The following RPS2 variants were observed in gnomAD, a reference collection of about 807,000 sequenced individuals.
The protein encoded by RPS2 is small ribosomal subunit protein uS5.
Under a neutral mutation model 25.3 loss-of-function variants are expected in RPS2, and 8 were observed. The observed-to-expected ratio is 0.32, with a 90% CI of 0.19 to 0.57. The LOEUF (loss-of-function observed/expected upper bound fraction) is 0.57, where lower values mean the gene tolerates loss of function less well. Among genes scored for constraint, RPS2 ranks in the 20% least tolerant of loss-of-function variants. The pLI is 0.90. For missense variants in RPS2, 229 were observed against 408.1 expected (o/e 0.56, Z 3.78); for synonymous variants, 181 against 161.3 (o/e 1.12, Z -0.92).
In RPS2 at chr16:1,964,381, G is replaced by C; in HGVS notation, c.178-16C>G. On this transcript the variant is annotated splice_polypyrimidine_tract_variant and intron_variant, in intron 2 of 6. Transcript: ENST00000343262. ...CGGGCATCCACTAAAGGGAGAAAAG[G>C]CGCCAGTGACCAGGACCGCTCTCCG... 6.2e-7 allele frequency: 1 copy of C among 1,613,378 alleles called. No homozygotes were observed. The highest frequency in any genetic ancestry group is 2.2e-5 in the East Asian group (1 of 44,874).
chr16:1,964,777 A>G (rs17135716), intron 1 of RPS2, 30 bp downstream of exon 1: 67,314 of 553,796 alleles, frequency 0.12, 5,159 homozygotes, highest in South Asian at 0.25. Flanking sequence ...GCCCACGCAG[A>G]GGCCCGCTGC....
chr16:1,964,336 C>T lies in RPS2; in HGVS notation c.207G>A (p.Leu69=), dbSNP rs1195590985. The T allele has an allele frequency of 2.5e-6, 4 of 1,613,360 alleles. No individual in the cohort carries two copies. Among genetic ancestry groups the T allele is most frequent in the African/African-American group, 1.3e-5 (1 of 74,944 alleles). The change falls in exon 3 of 7, where the codon TTG becomes TTA. Residue 69 remains leucine (L), a synonymous_variant. Coordinates refer to ENST00000343262, the MANE Select transcript of RPS2 (RefSeq NM_002952.4). ...GGGACTTGATCTTCATGTCCTTGACCAAGCGGCCCAACTTGGTGACGGGCA... is the reference window on the plus strand; with the variant it reads ...GGGACTTGATCTTCATGTCCTTGACTAAGCGGCCCAACTTGGTGACGGGCA... ...EWMPVTKLGR[L]VKDMKIKSLE...
In RPS2 at chr16:1,964,288, G is replaced by A. The variant is rs61741761; in HGVS notation, c.255C>T (p.Ser85=). ...IKSLEEIYLF[S]LPIKESEIID... ...GACCGACGCGTACCTTAATAGGCAG[G>A]GAGAAGAGATAGATCTCCTCCAGGG... is the stretch of plus-strand genomic sequence containing the variant. The change falls in exon 3 of 7, where the codon TCC becomes TCT. Residue 85 remains serine, a synonymous_variant. Coordinates refer to ENST00000343262, the MANE Select transcript of RPS2 (RefSeq NM_002952.4). 1.6e-3 allele frequency: 2,621 copies of A among 1,612,134 alleles called. 56 individuals carry two copies. The African/African-American group carries it at 0.031, about 19-fold the overall frequency.
At chr16:1,963,912 C>G in intron 3 of RPS2, 1 of 402,550 alleles carries the variant, frequency 2.5e-6, no homozygotes. Flanking sequence ...CAGATGACAG[C>G]TGTCCCGTAC....
At position 1,962,615 on chromosome 16, in the gene RPS2, A is replaced by G. The variant is rs1373243148; in HGVS notation, c.591T>C (p.Pro197=). 2.5e-6 allele frequency: 4 copies of G among 1,609,612 alleles called. No individual in the cohort carries two copies. The African/African-American group carries it at 5.4e-5, about 22-fold the overall frequency. The change falls in exon 6 of 7, where the codon CCT becomes CCC. Residue 197 remains proline (P), a synonymous_variant. Transcript: ENST00000343262. ...AGACGATGCCAGTGCCCCTGGGTGC[A>G]GGGATGAGGCGTACCAGCACAGAGC... ...RCGSVLVRLI[P]APRGTGIVSA... is the part of the protein sequence containing the mutation.
chr16:1,964,133 A>T, intron 3 of RPS2, 143 bp downstream of exon 3: 1 of 672,336 alleles, frequency 1.5e-6, no homozygotes, highest in Non-Finnish European at 2.6e-6. Context: ...TCCTCTCCTC[A>T]GCCAGCCCGC....
chr16:1,962,074 CTT>C lies in RPS2; in HGVS notation c.*22_*23del. 2 of 1,527,588 alleles carry C rather than the reference CTT, an allele frequency of 1.3e-6. No homozygotes were observed. The highest frequency in any genetic ancestry group is 1.8e-6 in the Non-Finnish European group (2 of 1,139,550). 94.6% of individuals were successfully genotyped at this position (1,527,588 alleles called of 1,614,324 possible). A position where few individuals can be genotyped will look rare whatever the true frequency, so the allele number is the denominator to read the frequency against. ...AAAAAACAGTAACACGCTTAATTCA[CTT>C]TATTTTTCTTGTATAAAAACCCTAT... On this transcript the variant is annotated 3_prime_UTR_variant, in exon 7 of 7. Coordinates refer to ENST00000343262, the MANE Select transcript of RPS2 (RefSeq NM_002952.4).
At chr16:1,963,305 T>C (rs1245809412) in intron 3 of RPS2, 49 bp from the exon 4 acceptor site, 2 of 1,242,464 alleles carry the variant, frequency 1.6e-6, no homozygotes, top group African/African-American at 1.5e-5. Context: ...AAAAACTTAA[T>C]ACCATTATGA....
At chr16:1,963,649 TC>T in intron 3 of RPS2, 1 of 339,808 alleles carries the variant, frequency 2.9e-6, no homozygotes, top group Non-Finnish European at 5.9e-6. Context: ...ATGAACCCCC[TC>T]ACCTGGCTTC....
intron 3 of RPS2, 124 bp from the exon 4 acceptor site, chr16:1,963,380 G>C (rs967982032): frequency 1.6e-6 from 1 of 626,116 alleles, no homozygotes; most frequent in Non-Finnish European, 2.8e-6. Flanking sequence ...CACTTTGGGA[G>C]ACTGAGGTGG....
In RPS2 at chr16:1,964,502, G is replaced by A. The variant is rs756667522; in HGVS notation, c.124C>T (p.Arg42Trp). Reference sequence around the variant, plus strand: ...GCTCCGCGGCCTCGGCCCCGGCCCCGTCCACGGCCGCGACCCCGGCCCCGG... The same window carrying A: ...GCTCCGCGGCCTCGGCCCCGGCCCCATCCACGGCCGCGACCCCGGCCCCGG... Reference protein sequence around the residue: ...GIRGRGRGRGRGRGRGRGARG... With the variant: ...GIRGRGRGRGWGRGRGRGARG... The change falls in exon 2 of 7, where the codon CGG becomes TGG. Residue 42 changes from arginine (R) to tryptophan (W), a missense_variant. By Grantham distance (101) the Arg-to-Trp change is moderately radical. Around this residue, in one of 7 missense-constraint regions of RPS2, gnomAD observed 70 missense variants for 119.0 expected, o/e 0.59. Transcript: ENST00000343262. The A allele has an allele frequency of 3.1e-6, 5 of 1,600,722 alleles. No individual in the cohort carries two copies. The highest frequency in any genetic ancestry group is 1.3e-5 in the African/African-American group (1 of 74,298).
chr16:1,962,660 G>A lies in RPS2; in HGVS notation c.550-4C>T, dbSNP rs1310178499. 3.1e-6 allele frequency: 5 copies of A among 1,595,494 alleles called. No individual in the cohort carries two copies. Among genetic ancestry groups the A allele is most frequent in the African/African-American group, 2.7e-5 (2 of 74,358 alleles). On this transcript the variant is annotated splice_polypyrimidine_tract_variant and splice_region_variant and intron_variant, in intron 5 of 6. Transcript: ENST00000343262. ...CAGAGCCGCAGCGGCCTGTCACCTGGTGAGGGAAGGAGTCAGGAGACGGGG... is the reference window on the plus strand; with the variant it reads ...CAGAGCCGCAGCGGCCTGTCACCTGATGAGGGAAGGAGTCAGGAGACGGGG...
At chr16:1,962,297 G>A (rs764162879) in intron 6 of RPS2, 27 bp from the exon 7 acceptor site, 12 of 1,605,796 alleles carry the variant, frequency 7.5e-6, no homozygotes, top group East Asian at 2.2e-5. Context: ...CCCCAGGAGG[G>A]TCAGTGGTGT....
chr16:1,962,969 C>G, intron 4 of RPS2, 60 bp from the exon 5 acceptor site: 5 of 1,565,664 alleles, frequency 3.2e-6, no homozygotes, highest in Non-Finnish European at 4.4e-6. Flanking sequence ...GCCCACCGCC[C>G]AGGGCCTGTT....
In RPS2 at chr16:1,962,075, T is replaced by A. The variant is rs774853226; in HGVS notation, c.*23A>T. ...AAAAACAGTAACACGCTTAATTCAC[T>A]TTATTTTTCTTGTATAAAAACCCTA... On this transcript the variant is annotated 3_prime_UTR_variant, in exon 7 of 7. Coordinates refer to ENST00000343262, the MANE Select transcript of RPS2 (RefSeq NM_002952.4). 9 of 1,529,136 alleles carry A rather than the reference T, an allele frequency of 5.9e-6. No individual in the cohort carries two copies. Among genetic ancestry groups the A allele is most frequent in the Non-Finnish European group, 1.8e-6 (2 of 1,140,826 alleles). 94.7% of individuals were successfully genotyped at this position (1,529,136 alleles called of 1,614,324 possible). A position where few individuals can be genotyped will look rare whatever the true frequency, so the allele number is the denominator to read the frequency against.
intron 6 of RPS2, 71 bp from the exon 7 acceptor site, chr16:1,962,341 G>C (rs375699083): frequency 2.8e-6 from 4 of 1,450,314 alleles, no homozygotes; most frequent in Admixed American, 1.7e-5. Flanking sequence ...AAAAATTGTC[G>C]CACTCCTAGG....
intron 4 of RPS2, 112 bp downstream of exon 4, chr16:1,963,036 CT>C: frequency 7.3e-7 from 1 of 1,363,662 alleles, no homozygotes. Context: ...CTGAGGAGAT[CT>C]TTTCTCTCTC....
At position 1,962,224 on chromosome 16, in the gene RPS2, G is replaced by A. The variant is rs769381523; in HGVS notation, c.756C>T (p.Thr252=). ...ATACAGTCTCCTTCCAGAGGTCGGGGGTCAGGTAGCTGTAGGTCTTAGAAA... is the reference window on the plus strand; with the variant it reads ...ATACAGTCTCCTTCCAGAGGTCGGGAGTCAGGTAGCTGTAGGTCTTAGAAA... ...DAISKTYSYL[T]PDLWKETVFT... Residue 252 remains threonine, a synonymous_variant, in exon 7 of 7, where the codon ACC becomes ACT. Transcript: ENST00000343262. The A allele has an allele frequency of 1.2e-6, 2 of 1,610,858 alleles. No individual in the cohort carries two copies. Among genetic ancestry groups the A allele is most frequent in the Non-Finnish European group, 1.7e-6 (2 of 1,179,288 alleles).
At chr16:1,964,387 G>A (rs2083288031) in intron 2 of RPS2, 22 bp from the exon 3 acceptor site, 1 of 1,613,340 alleles carries the variant, frequency 6.2e-7, no homozygotes, top group African/African-American at 1.3e-5. Context: ...AAAGGCGCCA[G>A]TGACCAGGAC....
Sources: allele counts gnomAD v4.1 joint callset, GRCh38; gene constraint gnomAD v4.1.1; regional missense constraint gnomAD v4.1.1; transcripts MANE v1.5; gene names NCBI Gene and HGNC (gene_info 2026-07-23, HGNC 2026-07-21).